Variants in TBCD observed in about 807,000 individuals in gnomAD.
The protein encoded by TBCD is tubulin folding cofactor D, also known as tubulin-specific chaperone D.
Under a neutral mutation model 169.3 loss-of-function variants are expected in TBCD, and 105 were observed. That is an observed-to-expected ratio of 0.62 (90% CI 0.53 to 0.73). The LOEUF (loss-of-function observed/expected upper bound fraction) is 0.73, where lower values mean the gene tolerates loss of function less well. Ranked by LOEUF, TBCD falls within the 30% of genes least tolerant of loss-of-function variation. The pLI, the probability that TBCD is intolerant of heterozygous loss-of-function variation, is 0.00. For synonymous variants in TBCD, 700 were observed against 643.9 expected, an observed-to-expected ratio of 1.09 and a Z score of -1.32; for missense variants, 1,444 against 1,600.1, an observed-to-expected ratio of 0.90 and a Z score of 1.66.
Position 82,806,106 on chromosome 17 carries a change from C to T in TBCD, c.1087+95C>T. On this transcript the variant is annotated intron_variant, in intron 10 of 38. Transcript: ENST00000355528. This position sits in a 1 kb window ranked among gnomAD's most constrained non-coding sequence, Gnocchi z 5.1. The stretch of plus-strand genomic sequence containing the variant: ...CACACTTCCTTCTTCCTTGCTGGTG[C>T]CGGCACTGTCTGGCCACCCGTCCCC... The T allele has an allele frequency of 2.6e-6, 4 of 1,512,856 alleles. No individual in the cohort carries two copies. The highest frequency in any genetic ancestry group is 2.7e-6 in the Non-Finnish European group (3 of 1,119,252). The allele number at this position is 1,512,856 out of a possible 1,614,324, so 93.7% of individuals were successfully genotyped here.
At chr17:82,783,206 T>C (rs115229064) in intron 7 of TBCD, among the ~76,000 whole-genome samples, 2,345 of 152,234 alleles carry the variant, frequency 0.015, 55 homozygotes, top group African/African-American at 0.053. Context: ...GCCGTGGTCT[T>C]CAGGAGGGCA....
At chr17:82,925,748 T>TA (rs1260049724) in intron 27 of TBCD, among the ~76,000 whole-genome samples, 1 of 152,176 alleles carries the variant, frequency 6.6e-6, no homozygotes, top group Non-Finnish European at 1.5e-5. Flanking sequence ...GAAACACAGA[T>TA]AAATGTGAAA....
chr17:82,895,552 G>A (rs1446136453), intron 17 of TBCD, among the ~76,000 whole-genome samples: 1 of 152,324 alleles, frequency 6.6e-6, no homozygotes, highest in East Asian at 1.9e-4. Flanking sequence ...CCCTGTGGCT[G>A]TATTTGGTGA....
Position 82,903,266 on chromosome 17 carries a change from C to T in TBCD, c.1731-139C>T, listed in dbSNP as rs887393540. ...GGAGTCGGAGGTTCTTGTACTGGTTCGTGTGAGTGAGTGAGTGAGCCTCTG... is the reference window on the plus strand; with the variant it reads ...GGAGTCGGAGGTTCTTGTACTGGTTTGTGTGAGTGAGTGAGTGAGCCTCTG... On this transcript the variant is annotated intron_variant, in intron 18 of 38. Transcript: ENST00000355528. The surrounding 1 kb of genome is among the most constrained non-coding windows in gnomAD (Gnocchi z 4.8). 24 of 733,500 alleles carry T rather than the reference C, an allele frequency of 3.3e-5. No individual in the cohort carries two copies. Among genetic ancestry groups the T allele is most frequent in the Admixed American group, 3.0e-4 (13 of 43,384 alleles). The allele number at this position is 733,500 out of a possible 1,614,324, so 45.4% of individuals were successfully genotyped here.
chr17:82,906,108 A>G (rs2060232030), intron 20 of TBCD, 55 bp downstream of exon 20: 1 of 1,353,194 alleles, frequency 7.4e-7, no homozygotes. Flanking sequence ...TCCCCTCACC[A>G]TGTAATCACA....
intron 13 of TBCD, among the ~76,000 whole-genome samples, chr17:82,834,730 G>A (rs999398029): frequency 4.6e-5 from 7 of 151,896 alleles, no homozygotes; most frequent in African/African-American, 1.2e-4. Context: ...GGTGGGGGTC[G>A]GGGGGAGGGA....
In TBCD at chr17:82,806,590, G is replaced by A. The variant is rs893865754; in HGVS notation, c.1087+579G>A. On this transcript the variant is annotated intron_variant, in intron 10 of 38. Transcript: ENST00000355528. This position sits in a 1 kb window ranked among gnomAD's most constrained non-coding sequence, Gnocchi z 5.1. ...GAAGTCTTCCCTGGACCCAGGCAGGGCCTCTTCATGTCCCCTCCCTGTGAG... is the reference window on the plus strand; with the variant it reads ...GAAGTCTTCCCTGGACCCAGGCAGGACCTCTTCATGTCCCCTCCCTGTGAG... 6.6e-6 allele frequency among the ~76,000 whole-genome samples: 1 copy of A among 152,058 alleles called. No individual in the cohort carries two copies. Among genetic ancestry groups the A allele is most frequent in the Non-Finnish European group, 1.5e-5 (1 of 67,996 alleles).
chr17:82,897,057 A>T (rs1599330714), intron 17 of TBCD, among the ~76,000 whole-genome samples: 1 of 152,044 alleles, frequency 6.6e-6, no homozygotes, highest in Non-Finnish European at 1.5e-5. Flanking sequence ...TCTTTCGCCC[A>T]TTTACTTATT....
chr17:82,831,042 C>T lies in TBCD; in HGVS notation c.1318+16108C>T. 2.5e-6 allele frequency: 4 copies of T among 1,614,172 alleles called. No individual in the cohort carries two copies. Among genetic ancestry groups the T allele is most frequent in the Non-Finnish European group, 3.4e-6 (4 of 1,180,050 alleles). The stretch of plus-strand genomic sequence containing the variant: ...ACCTTACTGGAGACTCTGCTGTGGT[C>T]TCAGCAGCCTGGGCAGGTAGGCATT... On this transcript the variant is annotated intron_variant, in intron 13 of 38. Coordinates refer to ENST00000355528, the MANE Select transcript of TBCD (RefSeq NM_005993.5). The surrounding 1 kb of genome is among the most constrained non-coding windows in gnomAD (Gnocchi z 4.6).
At chr17:82,914,501 T>C (rs75889331) in intron 23 of TBCD, among the ~76,000 whole-genome samples, 1,556 of 152,344 alleles carry the variant, frequency 0.01, 33 homozygotes, top group African/African-American at 0.035. Context: ...ACCATGAGTG[T>C]GTTTGCTGGA....
intron 6 of TBCD, among the ~76,000 whole-genome samples, chr17:82,774,530 C>T (rs1439653065): frequency 1.3e-5 from 2 of 152,210 alleles, no homozygotes; most frequent in African/African-American, 4.8e-5. Flanking sequence ...AAACCGCCAT[C>T]GTCATCATGG....
chr17:82,871,820 C>T (rs557759550), intron 14 of TBCD, among the ~76,000 whole-genome samples: 48 of 152,328 alleles, frequency 3.2e-4, no homozygotes, highest in African/African-American at 8.7e-4. Context: ...CGTGGGGCTT[C>T]GTCTTTTGGA....
Position 82,884,039 on chromosome 17 carries a change from C to T in TBCD, c.1476-106C>T. On this transcript the variant is annotated intron_variant, in intron 14 of 38. Coordinates refer to ENST00000355528, the MANE Select transcript of TBCD (RefSeq NM_005993.5). This position sits in a 1 kb window ranked among gnomAD's most constrained non-coding sequence, Gnocchi z 4.2. ...GTGTTGCCTGTGGGGCATGTCTGAA[C>T]CTCAAGTGGGCCTGAGTCGTGAGAG... 9.0e-7 allele frequency: 1 copy of T among 1,110,142 alleles called. No individual in the cohort carries two copies. The allele number at this position is 1,110,142 out of a possible 1,614,324, so 68.8% of individuals were successfully genotyped here. A position where few individuals can be genotyped will look rare whatever the true frequency, so the allele number is the denominator to read the frequency against.
chr17:82,785,837 G>C (rs55905232), intron 7 of TBCD, among the ~76,000 whole-genome samples: 74 of 76,826 alleles, frequency 9.6e-4, no homozygotes, highest in African/African-American at 5.0e-3. Context: ...CACTGGACCC[G>C]ACCCATCGCA....
intron 13 of TBCD, among the ~76,000 whole-genome samples, chr17:82,824,523 C>T (rs1480075156): frequency 6.6e-6 from 1 of 152,110 alleles, no homozygotes; most frequent in Non-Finnish European, 1.5e-5. Flanking sequence ...ACTGTATTGT[C>T]CAGGCTGGAG....
chr17:82,827,462 C>T (rs114085182), intron 13 of TBCD, among the ~76,000 whole-genome samples: 1,966 of 152,316 alleles, frequency 0.013, 56 homozygotes, highest in African/African-American at 0.045. Context: ...CGGAAGTCTA[C>T]GCTCCTAAAG....
At chr17:82,830,053 G>C in intron 13 of TBCD, 2 of 1,571,670 alleles carry the variant, frequency 1.3e-6, no homozygotes, top group Non-Finnish European at 1.7e-6. Flanking sequence ...GTAAAAATGT[G>C]AAAGTGCCAG....
chr17:82,918,330 C>G (rs536314112), intron 23 of TBCD: 4 of 152,366 alleles, frequency 2.6e-5, no homozygotes, highest in African/African-American at 9.6e-5. Context: ...CAGCCCCTGC[C>G]CTTTGCATTC....
intron 22 of TBCD, among the ~76,000 whole-genome samples, chr17:82,910,636 G>T (rs1036796983): frequency 6.6e-6 from 1 of 151,670 alleles, no homozygotes; most frequent in African/African-American, 2.4e-5. Flanking sequence ...GCAGCATGTC[G>T]GCTCACTGCA....
Sources: allele counts gnomAD v4.1 joint callset (sites outside exome capture counted in the v4.1 genomes callset), GRCh38; gene constraint gnomAD v4.1.1; non-coding constraint Gnocchi (gnomAD v3.1); transcripts MANE v1.5; gene names NCBI Gene and HGNC (gene_info 2026-07-23, HGNC 2026-07-21).